The following ZNF385C variants were observed in gnomAD, a reference collection of about 807,000 sequenced individuals.
ZNF385C encodes the protein CTD-2132N18.2.
Under a neutral mutation model 35.4 loss-of-function variants are expected in ZNF385C, and 28 were observed. That is an observed-to-expected ratio of 0.79 (90% CI 0.59 to 1.08). The LOEUF is 1.08. Among genes scored for constraint, ZNF385C ranks in the 50% least tolerant of loss-of-function variants. The pLI, the probability that ZNF385C is intolerant of heterozygous loss-of-function variation, is 0.00. For synonymous variants in ZNF385C, 248 were observed against 248.2 expected (o/e 1.00, Z 0.01); for missense variants, 605 against 595.6 (o/e 1.02, Z -0.16).
At chr17:42,063,141 A>G in intron 1 of ZNF385C, 83 bp from the exon 2 acceptor site, 1 of 556,392 alleles carries the variant, frequency 1.8e-6, no homozygotes, top group Non-Finnish European at 3.2e-6. Flanking sequence ...AGACCGGGAG[A>G]CACGGGGCTC....
chr17:42,037,773 G>A lies in ZNF385C; in HGVS notation c.363C>T (p.Gly121=), dbSNP rs1353677733. ...TGGGGAAGAGACTGAGCGGGGCAGC[G>A]CCATTGAAGTGGAAGGCGAGCAAGT... ...FKHLLAFHFN[G]AAPLSLFPNF... is the part of the protein sequence containing the mutation. Residue 121 remains glycine, a synonymous_variant, in exon 3 of 9, where the codon GGC becomes GGT. Transcript: ENST00000692273. 1.4e-5 allele frequency: 21 copies of A among 1,536,718 alleles called. No homozygotes were observed. The highest frequency in any genetic ancestry group is 4.9e-5 in the East Asian group (2 of 40,814).
At chr17:42,042,249 C>A (rs1049244574) in intron 2 of ZNF385C, among the ~76,000 whole-genome samples, 1 of 152,014 alleles carries the variant, frequency 6.6e-6, no homozygotes, top group African/African-American at 2.4e-5. Flanking sequence ...AGGCCAGGCG[C>A]GGTTGCTTAC....
chr17:42,028,003 AC>A (rs1555654484), intron 7 of ZNF385C, 46 bp downstream of exon 7: 7 of 1,583,816 alleles, frequency 4.4e-6, no homozygotes, highest in Non-Finnish European at 6.0e-6. Flanking sequence ...CTGCCCCCCA[AC>A]CCCCTCCCCT....
chr17:42,032,290 G>A (rs1033086070), intron 4 of ZNF385C, among the ~76,000 whole-genome samples: 2 of 151,982 alleles, frequency 1.3e-5, no homozygotes, highest in African/African-American at 2.4e-5. Flanking sequence ...TCGATCTCCT[G>A]CCTCGTGATC....
At chr17:42,064,939 C>A (rs8079481) in intron 1 of ZNF385C, among the ~76,000 whole-genome samples, 4,283 of 152,176 alleles carry the variant, frequency 0.028, 204 homozygotes, top group African/African-American at 0.099. Flanking sequence ...CCTCTGCCTC[C>A]CGGATTCAAG....
Position 42,028,575 on chromosome 17 carries a change from C to G in ZNF385C, c.967+208G>C. 8.9e-6 allele frequency: 6 copies of G among 671,262 alleles called. 1 individual carries two copies. The South Asian group carries it at 1.2e-4, about 14-fold the overall frequency. 41.6% of individuals were successfully genotyped at this position (671,262 alleles called of 1,614,324 possible). A position where few individuals can be genotyped will look rare whatever the true frequency, so the allele number is the denominator to read the frequency against. On this transcript the variant is annotated intron_variant, in intron 6 of 8. Coordinates refer to ENST00000692273, the MANE Select transcript of ZNF385C (RefSeq NM_001392013.1). ...TTCAGAGATTTAGCGACCTTCAGTTCTTGCTGCCTCAGACTTCTCTTCCCA... is the reference window on the plus strand; with the variant it reads ...TTCAGAGATTTAGCGACCTTCAGTTGTTGCTGCCTCAGACTTCTCTTCCCA...
intron 1 of ZNF385C, among the ~76,000 whole-genome samples, chr17:42,092,758 G>A (rs1289267674): frequency 6.6e-6 from 1 of 152,212 alleles, no homozygotes; most frequent in African/African-American, 2.4e-5. Flanking sequence ...GCAGGGAGTG[G>A]GGGAGTGTCC....
chr17:42,044,785 C>A (rs1463077461), intron 2 of ZNF385C, among the ~76,000 whole-genome samples: 2 of 152,146 alleles, frequency 1.3e-5, no homozygotes, highest in Non-Finnish European at 2.9e-5. Flanking sequence ...AGACCTGGGG[C>A]CTCAGACTGA....
Position 42,048,422 on chromosome 17 carries a change from A to G in ZNF385C, c.251-10537T>C, listed in dbSNP as rs1333737090. Among the ~76,000 whole-genome samples the G allele has an allele frequency of 4.6e-5, 7 of 151,702 alleles. No homozygotes were observed. In the East Asian group the frequency reaches 9.7e-4, roughly 21 times the overall value. ...TAGCCGGTCATGGTGGCATATGCCT[A>G]TAGTCCCAGCTACTCGGGAAGCTGA... is the stretch of plus-strand genomic sequence containing the variant. On this transcript the variant is annotated intron_variant, in intron 2 of 8. Coordinates refer to ENST00000692273, the MANE Select transcript of ZNF385C (RefSeq NM_001392013.1).
intron 2 of ZNF385C, chr17:42,061,285 A>G (rs1480674985): frequency 7.6e-6 from 1 of 130,910 alleles, no homozygotes; most frequent in Admixed American, 9.9e-5. Context: ...CAGTGGCACA[A>G]TCTCGGCTCA....
intron 5 of ZNF385C, 34 bp downstream of exon 5, chr17:42,031,585 G>A (rs1598178985): frequency 1.3e-6 from 2 of 1,523,670 alleles, no homozygotes; most frequent in Non-Finnish European, 1.8e-6. Flanking sequence ...GATTTGGAGT[G>A]GAGACGTGGG....
chr17:42,092,225 C>T (rs1314144309), intron 1 of ZNF385C, among the ~76,000 whole-genome samples: 1 of 152,040 alleles, frequency 6.6e-6, no homozygotes, highest in Non-Finnish European at 1.5e-5. Flanking sequence ...CATGGCAAAA[C>T]CCTGTCTCTA....
At chr17:42,083,939 G>C (rs1447968618) in intron 1 of ZNF385C, among the ~76,000 whole-genome samples, 6 of 151,690 alleles carry the variant, frequency 4.0e-5, no homozygotes, top group African/African-American at 1.5e-4. Flanking sequence ...GGCTGTTCTT[G>C]AACTCCTGAC....
rs563817412 is a variant in ZNF385C at position 42,037,869 on chromosome 17, G to A, written c.267C>T (p.Gly89=). 1,776 of 1,521,420 alleles carry A rather than the reference G, an allele frequency of 1.2e-3. 2 individuals carry two copies. Among genetic ancestry groups the A allele is most frequent in the Non-Finnish European group, 1.4e-3 (1,604 of 1,131,316 alleles). The allele number at this position is 1,521,420 out of a possible 1,614,324, so 94.2% of individuals were successfully genotyped here. ...SPSGPAGPAS[G]APSPLLASLP... is the part of the protein sequence containing the mutation. ...GGGAGGCCAGCAGGGGGCTGGGGGC[G>A]CCGGAGGCCGGGCCTGCTGCAGGAG... The change falls in exon 3 of 9, where the codon GGC becomes GGT. Residue 89 remains glycine (G), a synonymous_variant. Coordinates refer to ENST00000692273, the MANE Select transcript of ZNF385C (RefSeq NM_001392013.1).
chr17:42,040,194 G>C (rs2052980871), intron 2 of ZNF385C: 1 of 1,231,588 alleles, frequency 8.1e-7, no homozygotes. Context: ...AGGCGGCCAC[G>C]GCGTCCAGCG....
intron 2 of ZNF385C, among the ~76,000 whole-genome samples, chr17:42,053,886 C>T (rs1014730822): frequency 1.3e-4 from 20 of 151,596 alleles, no homozygotes; most frequent in African/African-American, 3.4e-4. Context: ...GAGTGCAGAA[C>T]GAGGAGCAAA....
chr17:42,032,498 A>G (rs375659150), intron 4 of ZNF385C, among the ~76,000 whole-genome samples: 2 of 152,220 alleles, frequency 1.3e-5, no homozygotes, highest in African/African-American at 4.8e-5. Context: ...TACATAGAGT[A>G]GGTGCTCAAT....
Position 42,037,824 on chromosome 17 carries a change from A to T in ZNF385C, c.312T>A (p.Pro104=). 1 of 1,519,280 alleles carries T rather than the reference A, an allele frequency of 6.6e-7. No homozygotes were observed. Among genetic ancestry groups the T allele is most frequent in the Non-Finnish European group, 8.8e-7 (1 of 1,131,850 alleles). The allele number at this position is 1,519,280 out of a possible 1,614,324, so 94.1% of individuals were successfully genotyped here. The change falls in exon 3 of 9, where the codon CCT becomes CCA. Residue 104 remains proline (P), a synonymous_variant. Transcript: ENST00000692273. Reference sequence around the variant, plus strand: ...GCTTGAAGTCCAGCGGGGGCTGCAGAGGCCGGGTGGGCAGGGGCAGGGAGG... The same window carrying T: ...GCTTGAAGTCCAGCGGGGGCTGCAGTGGCCGGGTGGGCAGGGGCAGGGAGG... ...LLASLPLPTR[P]LQPPLDFKHL...
At chr17:42,071,790 T>G (rs2053627367) in intron 1 of ZNF385C, among the ~76,000 whole-genome samples, 1 of 145,480 alleles carries the variant, frequency 6.9e-6, no homozygotes, top group South Asian at 2.1e-4. Context: ...GCTCTCCTGC[T>G]CTCCCTGCCC....
Sources: allele counts gnomAD v4.1 joint callset (sites outside exome capture counted in the v4.1 genomes callset), GRCh38; gene constraint gnomAD v4.1.1; transcripts MANE v1.5; gene names NCBI Gene and HGNC (gene_info 2026-07-23, HGNC 2026-07-21).